The following NPIPB2 variants were observed in gnomAD, a reference collection of about 807,000 sequenced individuals.
NPIPB2 encodes the protein nuclear pore complex interacting protein family member B2, also known as nuclear pore complex-interacting protein family member B2.
A neutral mutation model predicts 30.8 loss-of-function variants in NPIPB2; 27 were observed. That is an observed-to-expected ratio of 0.88 (90% CI 0.65 to 1.21). The LOEUF (loss-of-function observed/expected upper bound fraction) is 1.21. Ranked by LOEUF, NPIPB2 falls within the 50% of genes most tolerant of loss-of-function variation. The probability of loss-of-function intolerance (pLI) is 0.00; values close to 1 mark genes in which losing one functional copy is unlikely to be tolerated. For missense variants in NPIPB2, 440 were observed against 446.2 expected (o/e 0.99, Z 0.13); for synonymous variants, 147 against 162.0 (o/e 0.91, Z 0.70).
At chr16:11,932,604 C>T (rs1286820277) in intron 4 of NPIPB2, among the ~76,000 whole-genome samples, 4 of 146,160 alleles carry the variant, frequency 2.7e-5, no homozygotes, top group South Asian at 2.3e-4. Flanking sequence ...GGTGAAACCC[C>T]GCCTCTACTA....
chr16:11,954,152 T>A (rs895259652), intron 1 of NPIPB2, among the ~76,000 whole-genome samples: 1 of 152,138 alleles, frequency 6.6e-6, no homozygotes, highest in Non-Finnish European at 1.5e-5. Flanking sequence ...TTGTATCTCT[T>A]TCATGCAAAA....
intron 1 of NPIPB2, among the ~76,000 whole-genome samples, chr16:11,957,128 A>C (rs1391328555): frequency 6.8e-6 from 1 of 146,742 alleles, no homozygotes; most frequent in Non-Finnish European, 1.5e-5. Flanking sequence ...AGTGGCTGGG[A>C]TTACAGGTAT....
intron 1 of NPIPB2, among the ~76,000 whole-genome samples, chr16:11,947,048 A>ATATATATATC (rs1439528112): frequency 2.2e-5 from 3 of 138,724 alleles, no homozygotes; most frequent in Non-Finnish European, 3.1e-5. Context: ...AATTATATAT[A>ATATATATATC]TATATATATA....
At chr16:11,972,185 TTAAGA>T in intron 1 of NPIPB2, among the ~76,000 whole-genome samples, 1 of 152,152 alleles carries the variant, frequency 6.6e-6, no homozygotes, top group East Asian at 1.9e-4. Context: ...AATTTCTGTG[TTAAGA>T]TAAGGGATTG....
intron 1 of NPIPB2, chr16:11,966,444 G>C: frequency 2.5e-6 from 3 of 1,208,752 alleles, no homozygotes; most frequent in Admixed American, 2.2e-5. Flanking sequence ...CTTCGTTACA[G>C]CCCTTTCGAA....
Position 11,965,384 on chromosome 16 carries a change from T to C in NPIPB2, c.-584+11184A>G, listed in dbSNP as rs752221019. 1.5e-5 allele frequency: 25 copies of C among 1,614,210 alleles called. 1 individual carries two copies. The South Asian group carries it at 2.6e-4, about 17-fold the overall frequency. On this transcript the variant is annotated intron_variant, in intron 1 of 5. Transcript: ENST00000538896. ...AATATTTTGACAGTTTGTTGCATGC[T>C]TGCATACCTTGTCAACTTCGATGTT...
At chr16:11,946,128 G>A (rs984526382), upstream of NPIPB2, among the ~76,000 whole-genome samples, 2 of 152,018 alleles carry the variant, frequency 1.3e-5, no homozygotes, top group Non-Finnish European at 2.9e-5. Context: ...GCTTATACCT[G>A]TAATCCCAGC....
intron 1 of NPIPB2, among the ~76,000 whole-genome samples, chr16:11,967,349 G>A (rs2055202560): frequency 6.6e-6 from 1 of 152,152 alleles, no homozygotes; most frequent in Non-Finnish European, 1.5e-5. Flanking sequence ...GCTGGGTGTG[G>A]TGGCATGGAG....
chr16:11,960,931 A>G lies in NPIPB2; in HGVS notation c.-584+15637T>C, dbSNP rs543919543. ...GCCCAGACTGCAGTGCAGTGGCGCA[A>G]TCTTGGCTCACTGCAACCTCTGCCT... is the stretch of plus-strand genomic sequence containing the variant. On this transcript the variant is annotated intron_variant, in intron 1 of 5. Coordinates refer to the NPIPB2 transcript ENST00000538896. Among the ~76,000 whole-genome samples, 16 of 150,926 alleles carry G rather than the reference A, an allele frequency of 1.1e-4. No individual in the cohort carries two copies. The East Asian group carries it at 2.9e-3, about 28-fold the overall frequency.
intron 1 of NPIPB2, among the ~76,000 whole-genome samples, chr16:11,975,444 G>A (rs936003880): frequency 2.0e-5 from 3 of 151,918 alleles, no homozygotes; most frequent in Non-Finnish European, 4.4e-5. Flanking sequence ...ACCGCGCCCG[G>A]CCAATCCATC....
chr16:11,946,022 C>CAA (rs200825715), upstream of NPIPB2, among the ~76,000 whole-genome samples: 807 of 70,140 alleles, frequency 0.012, 8 homozygotes, highest in Middle Eastern at 0.11. Flanking sequence ...GTGGCTTCTA[C>CAA]AAAAAAAAAA....
At chr16:11,942,017 A>T in exon 1 of NPIPB2, 1 of 1,336,576 alleles carries the variant, frequency 7.5e-7, no homozygotes, top group Non-Finnish European at 1.0e-6. Flanking sequence ...GCCTCCGCTC[A>T]GCCATTCATA....
chr16:11,976,614 G>A, exon 1 of NPIPB2: 1 of 370,626 alleles, frequency 2.7e-6, no homozygotes, highest in South Asian at 1.3e-4. Context: ...TCCACACCGG[G>A]TCCGGCGACT....
At position 11,967,752 on chromosome 16, in the gene NPIPB2, A is replaced by G. The variant is rs752367622; in HGVS notation, c.-584+8816T>C. 6 of 1,614,076 alleles carry G rather than the reference A, an allele frequency of 3.7e-6. No individual in the cohort carries two copies. The African/African-American group carries it at 8.0e-5, about 22-fold the overall frequency. On this transcript the variant is annotated intron_variant, in intron 1 of 5. Transcript: ENST00000538896. ...ACTCCCAGCTATGGAGGAAGGCGCA[A>G]CCATTCTTGTCACCACGAAAACGAA... is the stretch of plus-strand genomic sequence containing the variant.
At chr16:11,970,332 C>A (rs1176690140) in intron 1 of NPIPB2, among the ~76,000 whole-genome samples, 2 of 152,140 alleles carry the variant, frequency 1.3e-5, no homozygotes, top group African/African-American at 4.8e-5. Flanking sequence ...CCTGTCTCAG[C>A]CTCCTGAGTA....
rs1226047972 is a variant in NPIPB2 at position 11,951,666 on chromosome 16, A to ACACACACACACACACACC, written c.-583-9553_-583-9552insGGTGTGTGTGTGTGTGTG. 7.5e-3 allele frequency among the ~76,000 whole-genome samples: 1,036 copies of ACACACACACACACACACC among 138,696 alleles called. 18 individuals are homozygous for ACACACACACACACACACC. The highest frequency in any genetic ancestry group is 0.012 in the Middle Eastern group (3 of 254). 91.0% of individuals were successfully genotyped at this position (138,696 alleles called of 152,430 possible). On this transcript the variant is annotated intron_variant, in intron 1 of 5. Coordinates refer to the NPIPB2 transcript ENST00000538896. ...CACACACACACACACACACACACAC[A>ACACACACACACACACACC]CCCAGCCCCCAAACAACAAAATTCA...
chr16:11,974,545 C>T (rs2055256154), intron 1 of NPIPB2, among the ~76,000 whole-genome samples: 1 of 151,648 alleles, frequency 6.6e-6, no homozygotes, highest in African/African-American at 2.4e-5. Context: ...ATAACAAAGA[C>T]GTATTATGGA....
chr16:11,952,256 G>C (rs935743259), intron 1 of NPIPB2, among the ~76,000 whole-genome samples: 1 of 151,802 alleles, frequency 6.6e-6, no homozygotes, highest in Admixed American at 6.6e-5. Flanking sequence ...GCTAAGGCAG[G>C]AGAATGGTGT....
At chr16:11,966,341 G>A (rs376683900) in intron 1 of NPIPB2, 3 of 1,608,976 alleles carry the variant, frequency 1.9e-6, no homozygotes, top group African/African-American at 2.7e-5. Flanking sequence ...TAAAAACACA[G>A]GTTGGTTTGA....
Sources: allele counts gnomAD v4.1 joint callset (sites outside exome capture counted in the v4.1 genomes callset), GRCh38; gene constraint gnomAD v4.1.1; transcripts MANE v1.5; gene names NCBI Gene and HGNC (gene_info 2026-07-23, HGNC 2026-07-21).